Variants in GTF3C4 observed in about 807,000 individuals in gnomAD.
GTF3C4 encodes general transcription factor IIIC subunit 4.
In GTF3C4, 28 loss-of-function variants were observed where a neutral mutation model predicts 67.5. The observed-to-expected ratio is 0.41, with a 90% CI of 0.31 to 0.57. The LOEUF (loss-of-function observed/expected upper bound fraction) is 0.57, where lower values mean the gene tolerates loss of function less well. Among genes scored for constraint, GTF3C4 ranks in the 20% least tolerant of loss-of-function variants. The pLI is 0.21. For missense variants in GTF3C4, 831 were observed against 1,033.2 expected (o/e 0.80, Z 2.68); for synonymous variants, 409 against 393.0 (o/e 1.04, Z -0.48).
In GTF3C4 at chr9:132,679,134, CAAA is replaced by C; in HGVS notation, c.1518_1520del (p.Lys506del). On this transcript the variant is annotated inframe_deletion, in exon 2 of 5. Coordinates refer to ENST00000372146, the MANE Select transcript of GTF3C4 (RefSeq NM_012204.4). The surrounding 1 kb of genome is among the most constrained non-coding windows in gnomAD (Gnocchi z 5.9). ...TGATCAACGGCCTCCACCCTGTTAA[CAAA>C]AACTACCAGGTCCAATTTGTTACTC... 6.2e-7 allele frequency: 1 copy of C among 1,614,176 alleles called. No individual in the cohort carries two copies. The highest frequency in any genetic ancestry group is 8.5e-7 in the Non-Finnish European group (1 of 1,180,018).
chr9:132,689,227 T>TTAAG lies in GTF3C4; in HGVS notation c.*285_*288dup. 1 of 394,808 alleles carries TTAAG rather than the reference T, an allele frequency of 2.5e-6. No individual in the cohort carries two copies. Among genetic ancestry groups the TTAAG allele is most frequent in the East Asian group, 4.6e-5 (1 of 21,674 alleles). 24.5% of individuals were successfully genotyped at this position (394,808 alleles called of 1,614,324 possible). On this transcript the variant is annotated 3_prime_UTR_variant, in exon 5 of 5. Transcript: ENST00000372146. Reference sequence around the variant, plus strand: ...ACCAATGAGGAACACTTACTTATTTTTAAGTATCTTGACAGAAGCAATTTG... The same window carrying TTAAG: ...ACCAATGAGGAACACTTACTTATTTTTAAGTAAGTATCTTGACAGAAGCAATTTG...
chr9:132,673,561 A>G (rs1404167066), intron 1 of GTF3C4, among the ~76,000 whole-genome samples: 1 of 152,226 alleles, frequency 6.6e-6, no homozygotes, highest in African/African-American at 2.4e-5. Flanking sequence ...GTAGGAATGT[A>G]AAGAAGTCTG....
intron 3 of GTF3C4, among the ~76,000 whole-genome samples, chr9:132,685,558 G>A (rs914905694): frequency 3.1e-4 from 43 of 140,092 alleles, no homozygotes; most frequent in African/African-American, 1.1e-3. Flanking sequence ...TCACTATGTT[G>A]CCCATGGCAG....
In GTF3C4 at chr9:132,692,964, A is replaced by G. The variant is rs1222019617; in HGVS notation, c.*4019A>G. The G allele has an allele frequency of 6.6e-6, 1 of 152,222 alleles. No homozygotes were observed. 9.4% of individuals were successfully genotyped at this position (152,222 alleles called of 1,614,324 possible). On this transcript the variant is annotated 3_prime_UTR_variant, in exon 5 of 5. Transcript: ENST00000372146. ...CATGGTATCTGCTGTTCAACCTAGT[A>G]TAGAGCATGTGAAATGCAACTGTCC...
intron 2 of GTF3C4, among the ~76,000 whole-genome samples, chr9:132,682,664 G>T (rs1470272858): frequency 6.9e-6 from 1 of 144,570 alleles, no homozygotes; most frequent in African/African-American, 2.7e-5. Flanking sequence ...ATGTGCAGTG[G>T]CGCAATCTCG....
rs1836084043 is a variant in GTF3C4, at chr9:132,689,647, G to C, written c.*702G>C. 6.6e-6 allele frequency: 1 copy of C among 152,128 alleles called. No individual in the cohort carries two copies. Among genetic ancestry groups the C allele is most frequent in the Non-Finnish European group, 1.5e-5 (1 of 68,070 alleles). The allele number at this position is 152,128 out of a possible 1,614,324, so 9.4% of individuals were successfully genotyped here. ...TCTCTCCTGGGTCATCAGGTTTCCT[G>C]ACCCAACTCCTTAATCCGTATAAAG... On this transcript the variant is annotated 3_prime_UTR_variant, in exon 5 of 5. Transcript: ENST00000372146.
At chr9:132,683,430 TCTC>T in intron 2 of GTF3C4, 130 bp from the exon 3 acceptor site, 1 of 716,348 alleles carries the variant, frequency 1.4e-6, no homozygotes, top group Non-Finnish European at 2.3e-6. Flanking sequence ...GAAATGCAAA[TCTC>T]CTGTCTTCTG....
At chr9:132,686,857 G>A (rs946615278) in intron 3 of GTF3C4, among the ~76,000 whole-genome samples, 5 of 152,160 alleles carry the variant, frequency 3.3e-5, no homozygotes, top group South Asian at 2.1e-4. Context: ...GCAACGTAGC[G>A]AGACCCTGTC....
At chr9:132,673,377 T>C (rs147040270) in intron 1 of GTF3C4, among the ~76,000 whole-genome samples, 101 of 151,984 alleles carry the variant, frequency 6.6e-4, no homozygotes, top group African/African-American at 2.3e-3. Flanking sequence ...AAATGGCTTC[T>C]ATGAAATTAA....
upstream of GTF3C4, chr9:132,670,371 T>C: frequency 1.6e-6 from 2 of 1,231,028 alleles, no homozygotes; most frequent in Non-Finnish European, 2.1e-6. Context: ...GAAAAGGGGG[T>C]CCTCGGGGCT....
intron 1 of GTF3C4, 21 bp downstream of exon 1, chr9:132,670,976 C>T (rs765597985): frequency 6.6e-7 from 1 of 1,514,468 alleles, no homozygotes; most frequent in Admixed American, 1.7e-5. Flanking sequence ...CCCCGCCATC[C>T]CTGGGGTCTT....
chr9:132,679,470 T>C lies in GTF3C4; in HGVS notation c.1851T>C (p.Ala617=). Residue 617 remains alanine, a synonymous_variant, in exon 2 of 5, where the codon GCT becomes GCC. Coordinates refer to ENST00000372146, the MANE Select transcript of GTF3C4 (RefSeq NM_012204.4). This position sits in a 1 kb window ranked among gnomAD's most constrained non-coding sequence, Gnocchi z 5.9. The part of the protein sequence containing the change: ...LLVDSPGMGN[A]DDEQQEEGTS... ...TGGATTCGCCTGGGATGGGCAATGCTGACGATGAACAGCAGGAAGAAGGCA... is the reference window on the plus strand; with the variant it reads ...TGGATTCGCCTGGGATGGGCAATGCCGACGATGAACAGCAGGAAGAAGGCA... 6.2e-7 allele frequency: 1 copy of C among 1,614,120 alleles called. No individual in the cohort carries two copies. Among genetic ancestry groups the C allele is most frequent in the Non-Finnish European group, 8.5e-7 (1 of 1,180,032 alleles).
At chr9:132,676,322 A>ATTT (rs35467574) in intron 1 of GTF3C4, among the ~76,000 whole-genome samples, 26 of 122,416 alleles carry the variant, frequency 2.1e-4, no homozygotes, top group Non-Finnish European at 2.2e-4. Context: ...CATTTGGGGG[A>ATTT]TTTTTTTTTT....
At chr9:132,686,587 G>A (rs1161696760) in intron 3 of GTF3C4, among the ~76,000 whole-genome samples, 2 of 152,072 alleles carry the variant, frequency 1.3e-5, no homozygotes, top group East Asian at 1.9e-4. Context: ...TTTGCCTGGC[G>A]CTGGTAGATG....
Position 132,677,977 on chromosome 9 carries a change from G to T in GTF3C4, c.358G>T (p.Val120Phe). 2 of 1,586,558 alleles carry T rather than the reference G, an allele frequency of 1.3e-6. No individual in the cohort carries two copies. The highest frequency in any genetic ancestry group is 2.2e-5 in the East Asian group (1 of 44,666). ...TAGTTTTTATATCTCTTATTTTCAGGTTGGCTCAAAAACAGAAGTTGCTGA... is the reference window on the plus strand; with the variant it reads ...TAGTTTTTATATCTCTTATTTTCAGTTTGGCTCAAAAACAGAAGTTGCTGA... The part of the protein sequence containing the change: ...PAPLNSCLLK[V>F]GSKTEVAECK... Residue 120 changes from valine (V) to phenylalanine (F), a missense_variant and splice_region_variant, in exon 2 of 5, where the codon GTT (valine) becomes TTT (phenylalanine). Physicochemically the swap from Val to Phe is conservative, Grantham distance 50. Around this residue, in one of 4 missense-constraint regions of GTF3C4, gnomAD observed 237 missense variants for 212.7 expected, o/e 1.11. Transcript: ENST00000372146.
At position 132,670,469 on chromosome 9, in the gene GTF3C4, C is replaced by G. The variant is rs2130887435; in HGVS notation, c.-130C>G. ...CTGGCAACGGCGGGGTCCTTCTTGG[C>G]TCGGCGGCGCTCGGGGCCTGAGGGG... On this transcript the variant is annotated 5_prime_UTR_variant, in exon 1 of 5. Coordinates refer to ENST00000372146, the MANE Select transcript of GTF3C4 (RefSeq NM_012204.4). 1.0e-6 allele frequency: 1 copy of G among 973,196 alleles called. No homozygotes were observed. The highest frequency in any genetic ancestry group is 1.7e-5 in the African/African-American group (1 of 57,834). The allele number at this position is 973,196 out of a possible 1,614,324, so 60.3% of individuals were successfully genotyped here. A position where few individuals can be genotyped will look rare whatever the true frequency, so the allele number is the denominator to read the frequency against.
At chr9:132,671,131 G>C (rs2130889986) in intron 1 of GTF3C4, among the ~76,000 whole-genome samples, 176 bp downstream of exon 1, 1 of 151,570 alleles carries the variant, frequency 6.6e-6, no homozygotes, top group African/African-American at 2.4e-5. Flanking sequence ...AAAAAGAAAA[G>C]CTCTGCAGCT....
chr9:132,670,734 G>T lies in GTF3C4; in HGVS notation c.136G>T (p.Ala46Ser), dbSNP rs867444042. The part of the protein sequence containing the change: ...AADAAPGPSA[A>S]FRLMVTRREP... ...GGACGCGGCCCCGGGGCCCAGCGCTGCATTCCGCCTCATGGTGACTCGGCG... is the reference window on the plus strand; with the variant it reads ...GGACGCGGCCCCGGGGCCCAGCGCTTCATTCCGCCTCATGGTGACTCGGCG... Residue 46 changes from alanine (A) to serine (S), a missense_variant, in exon 1 of 5, where the codon GCA becomes TCA. By Grantham distance (99) the Ala-to-Ser change is moderately conservative. Around this residue, in one of 4 missense-constraint regions of GTF3C4, gnomAD observed 237 missense variants for 212.7 expected, o/e 1.11. Transcript: ENST00000372146. 1.3e-6 allele frequency: 2 copies of T among 1,543,738 alleles called. No homozygotes were observed. Among genetic ancestry groups the T allele is most frequent in the Non-Finnish European group, 1.7e-6 (2 of 1,151,718 alleles).
intron 1 of GTF3C4, among the ~76,000 whole-genome samples, chr9:132,676,263 G>A (rs547083908): frequency 5.9e-4 from 89 of 151,154 alleles, no homozygotes; most frequent in South Asian, 5.7e-3. Flanking sequence ...AATACATTGA[G>A]GAATTTTCTG....
Sources: gnomAD v4.1 joint callset for allele counts (sites outside exome capture counted in the v4.1 genomes callset) on GRCh38, gnomAD v4.1.1 for gene constraint, gnomAD v4.1.1 regional missense constraint, Gnocchi (gnomAD v3.1) non-coding constraint, MANE v1.5 for transcripts, NCBI Gene and HGNC (gene_info 2026-07-23, HGNC 2026-07-21) for gene names.